FCHSD2: variants seen among roughly 807,000 people sequenced by gnomAD.
FCHSD2 encodes FCH and double SH3 domains 2.
Under a neutral mutation model 108.1 loss-of-function variants are expected in FCHSD2, and 38 were observed. The ratio of observed to expected loss-of-function variants is 0.35; its 90% CI spans 0.27 to 0.46. The LOEUF is 0.46. Ranked by LOEUF, FCHSD2 falls within the 20% of genes least tolerant of loss-of-function variation. The pLI is 1.00. For missense variants in FCHSD2, 751 were observed against 897.8 expected, an observed-to-expected ratio of 0.84 and a Z score of 2.09; for synonymous variants, 279 against 314.7, an observed-to-expected ratio of 0.89 and a Z score of 1.20.
At chr11:72,903,314 T>TCACGC (rs1477562609) in intron 9 of FCHSD2, among the ~76,000 whole-genome samples, 2 of 152,134 alleles carry the variant, frequency 1.3e-5, no homozygotes, top group African/African-American at 4.8e-5. Context: ...CCTCCCGGGT[T>TCACGC]CATGCCATTC....
chr11:72,983,871 CT>C lies in FCHSD2; in HGVS notation c.705+216del, dbSNP rs1233272741. 7 of 639,610 alleles carry C rather than the reference CT, an allele frequency of 1.1e-5. No individual in the cohort carries two copies. The East Asian group carries it at 2.2e-4, about 20-fold the overall frequency. The allele number at this position is 639,610 out of a possible 1,614,324, so 39.6% of individuals were successfully genotyped here. A position where few individuals can be genotyped will look rare whatever the true frequency, so the allele number is the denominator to read the frequency against. ...GCCGCACCTAGGGAATAATATAATC[CT>C]TTACTGTGACTTGTCTGTAAACATT... On this transcript the variant is annotated intron_variant, in intron 8 of 19. Coordinates refer to ENST00000409418, the MANE Select transcript of FCHSD2 (RefSeq NM_014824.3).
At chr11:73,098,311 C>T (rs1860138154) in intron 2 of FCHSD2, among the ~76,000 whole-genome samples, 2 of 152,124 alleles carry the variant, frequency 1.3e-5, no homozygotes, top group Non-Finnish European at 2.9e-5. Context: ...TTGATCTACT[C>T]GTTGTTTAAG....
At chr11:72,996,754 T>C (rs538586369) in intron 5 of FCHSD2, among the ~76,000 whole-genome samples, 1 of 152,312 alleles carries the variant, frequency 6.6e-6, no homozygotes, top group Non-Finnish European at 1.5e-5. Context: ...TACCTTTCTC[T>C]AGACTGGAAA....
chr11:72,905,900 T>C (rs61895233), intron 9 of FCHSD2, among the ~76,000 whole-genome samples: 1 of 152,202 alleles, frequency 6.6e-6, no homozygotes, highest in Non-Finnish European at 1.5e-5. Context: ...AATAAACATA[T>C]GTGTGCATGT....
chr11:73,065,361 A>C (rs1859267064), intron 3 of FCHSD2, among the ~76,000 whole-genome samples: 1 of 152,194 alleles, frequency 6.6e-6, no homozygotes, highest in Admixed American at 6.5e-5. Context: ...GTATCTCAAA[A>C]TAATAAGAGC....
chr11:73,008,958 A>G (rs766969312), intron 4 of FCHSD2, among the ~76,000 whole-genome samples: 3 of 152,116 alleles, frequency 2.0e-5, no homozygotes, highest in Non-Finnish European at 4.4e-5. Flanking sequence ...AATATAAATA[A>G]GCTTACTTAA....
chr11:73,010,454 T>A (rs910146536), intron 4 of FCHSD2, among the ~76,000 whole-genome samples: 2 of 152,228 alleles, frequency 1.3e-5, no homozygotes, highest in Non-Finnish European at 2.9e-5. Context: ...TTTGGAGTTA[T>A]ATTTCCTTGC....
At chr11:72,990,117 C>G (rs1857383853) in intron 5 of FCHSD2, among the ~76,000 whole-genome samples, 2 of 151,992 alleles carry the variant, frequency 1.3e-5, no homozygotes, top group South Asian at 4.2e-4. Flanking sequence ...GCAAAATAAC[C>G]ACTCATATTT....
intron 3 of FCHSD2, among the ~76,000 whole-genome samples, chr11:73,039,166 T>C (rs145537418): frequency 6.8e-4 from 103 of 152,338 alleles, no homozygotes; most frequent in Middle Eastern, 3.4e-3. Context: ...AGTTCAAGAC[T>C]GTCTCACTGG....
At chr11:72,897,881 C>CA (rs1376775915) in intron 10 of FCHSD2, among the ~76,000 whole-genome samples, 1 of 151,920 alleles carries the variant, frequency 6.6e-6, no homozygotes, top group Non-Finnish European at 1.5e-5. Flanking sequence ...GTCATTTCAG[C>CA]AAAAAAGATG....
intron 8 of FCHSD2, among the ~76,000 whole-genome samples, chr11:72,948,594 T>C (rs1856563702): frequency 6.6e-6 from 1 of 152,084 alleles, no homozygotes; most frequent in Non-Finnish European, 1.5e-5. Flanking sequence ...AATAATAGAA[T>C]ATGAGTGTAT....
At chr11:73,018,999 CA>C (rs1271049128) in intron 3 of FCHSD2, among the ~76,000 whole-genome samples, 2 of 152,114 alleles carry the variant, frequency 1.3e-5, no homozygotes, top group African/African-American at 2.4e-5. Context: ...AAGTATACAA[CA>C]TAATATGCCA....
At chr11:73,112,644 T>TTGGTGG (rs1860513318) in intron 2 of FCHSD2, among the ~76,000 whole-genome samples, 1 of 152,154 alleles carries the variant, frequency 6.6e-6, no homozygotes, top group Non-Finnish European at 1.5e-5. Context: ...CTTTTTGTTG[T>TTGGTGG]TGGTGGTGGT....
intron 13 of FCHSD2, among the ~76,000 whole-genome samples, chr11:72,854,526 G>A (rs555973174): frequency 2.8e-4 from 42 of 152,280 alleles, no homozygotes; most frequent in African/African-American, 1.0e-3. Context: ...TGAACTCCTG[G>A]ATGCAAGGGA....
chr11:73,013,240 C>CA (rs1402719816), intron 4 of FCHSD2, among the ~76,000 whole-genome samples: 2 of 152,198 alleles, frequency 1.3e-5, no homozygotes, highest in Non-Finnish European at 2.9e-5. Flanking sequence ...TGTTACCTAA[C>CA]AGTCACATTT....
intron 8 of FCHSD2, among the ~76,000 whole-genome samples, chr11:72,983,449 C>T (rs1267411195): frequency 6.6e-6 from 1 of 152,072 alleles, no homozygotes; most frequent in Non-Finnish European, 1.5e-5. Flanking sequence ...GCCTGGACAA[C>T]AGAGCGAGAC....
rs1215782765 is a variant in FCHSD2, at chr11:72,837,325, T to C, written c.*1466A>G. On this transcript the variant is annotated 3_prime_UTR_variant, in exon 20 of 20. Transcript: ENST00000409418. ...AAAGAACTAAAAATTTCTTCAGTTA[T>C]CACCTTACTTTTGGTCAAAAATCCC... is the stretch of plus-strand genomic sequence containing the variant. 6.6e-6 allele frequency: 1 copy of C among 152,604 alleles called. No homozygotes were observed. 9.5% of individuals were successfully genotyped at this position (152,604 alleles called of 1,614,324 possible).
At chr11:72,856,754 A>G (rs1861437993) in intron 13 of FCHSD2, among the ~76,000 whole-genome samples, 1 of 152,212 alleles carries the variant, frequency 6.6e-6, no homozygotes, top group Admixed American at 6.5e-5. Flanking sequence ...GCCACTCACT[A>G]GTTAGGAGCA....
chr11:72,839,186 T>C (rs1019751061), intron 19 of FCHSD2, among the ~76,000 whole-genome samples: 3 of 152,152 alleles, frequency 2.0e-5, no homozygotes, highest in African/African-American at 7.2e-5. Context: ...GAGCAATGCT[T>C]AGAGAAATGA....
Sources: gnomAD v4.1 joint callset for allele counts (sites outside exome capture counted in the v4.1 genomes callset) on GRCh38, gnomAD v4.1.1 for gene constraint, MANE v1.5 for transcripts, NCBI Gene and HGNC (gene_info 2026-07-23, HGNC 2026-07-21) for gene names.